Variants in VANGL2 observed in about 807,000 individuals in gnomAD.
VANGL2 encodes VANGL planar cell polarity protein 2.
Under a neutral mutation model 50.2 loss-of-function variants are expected in VANGL2, and 14 were observed. That is an observed-to-expected ratio of 0.28 (90% confidence interval 0.18 to 0.44). The LOEUF (loss-of-function observed/expected upper bound fraction) is 0.44, where lower values mean the gene tolerates loss of function less well. Among genes scored for constraint, VANGL2 ranks in the 20% least tolerant of loss-of-function variants. VANGL2 has a pLI of 1.00. For synonymous variants in VANGL2, 295 were observed against 297.2 expected (o/e 0.99, Z 0.08); for missense variants, 533 against 701.5 (o/e 0.76, Z 2.71).
In VANGL2 at chr1:160,419,532, G is replaced by T. The variant is rs148388993; in HGVS notation, c.723G>T (p.Gln241His). The change falls in exon 4 of 8, where the codon CAG becomes CAT. Residue 241 changes from glutamine to histidine, a missense_variant. Transcript: ENST00000368061. The surrounding 1 kb of genome is among the most constrained non-coding windows in gnomAD (Gnocchi z 5.8). ...YLAVVLLELR[Q>H]LQPQFTLKVV... ...CCGTGGTCCTGCTGGAGCTGCGCCA[G>T]CTCCAGCCTCAGTTCACGCTCAAGG... The T allele has an allele frequency of 4.2e-5, 67 of 1,601,230 alleles. No individual in the cohort carries two copies. The Middle Eastern group carries it at 9.9e-4, about 24-fold the overall frequency.
intron 1 of VANGL2, among the ~76,000 whole-genome samples, chr1:160,411,479 C>T (rs1256125722): frequency 2.0e-5 from 3 of 151,954 alleles, no homozygotes; most frequent in South Asian, 4.2e-4. Context: ...ATAAGGGGAA[C>T]TTCTGCCCTT....
intron 1 of VANGL2, among the ~76,000 whole-genome samples, chr1:160,407,169 G>A (rs1245349673): frequency 4.6e-5 from 7 of 152,230 alleles, no homozygotes; most frequent in South Asian, 4.1e-4. Flanking sequence ...AGGAATGGAG[G>A]TGGCAGATAT....
At position 160,424,089 on chromosome 1, in the gene VANGL2, A is replaced by C; in HGVS notation, c.1111A>C (p.Lys371Gln). ...GGTGGAGGAGGCCTTCACTCACATT[A>C]AGCGGCTGCAGGAAGAGGAGCAGAA... ...VAVEEAFTHIKRLQEEEQKNP... is the reference protein window; with the variant it reads ...VAVEEAFTHIQRLQEEEQKNP... Residue 371 changes from lysine to glutamine, a missense_variant, in exon 7 of 8, where the codon AAG becomes CAG. Transcript: ENST00000368061. 6.2e-7 allele frequency: 1 copy of C among 1,614,054 alleles called. No homozygotes were observed. Among genetic ancestry groups the C allele is most frequent in the Non-Finnish European group, 8.5e-7 (1 of 1,179,902 alleles).
chr1:160,410,758 G>A (rs1650856907), intron 1 of VANGL2, among the ~76,000 whole-genome samples: 1 of 152,062 alleles, frequency 6.6e-6, no homozygotes, highest in Non-Finnish European at 1.5e-5. Context: ...CAGGTTCTGA[G>A]TGTATTTTTT....
At chr1:160,420,923 TA>T in intron 5 of VANGL2, 128 bp from the exon 6 acceptor site, 1 of 1,383,512 alleles carries the variant, frequency 7.2e-7, no homozygotes, top group South Asian at 1.2e-5. Flanking sequence ...GGGTTGGGAT[TA>T]GGAGGTATTG....
At position 160,402,257 on chromosome 1, in the gene VANGL2, C is replaced by T. The variant is rs556691410; in HGVS notation, c.-191+1388C>T. Among the ~76,000 whole-genome samples the T allele has an allele frequency of 3.3e-5, 5 of 152,182 alleles. No homozygotes were observed. The South Asian group carries it at 1.0e-3, about 32-fold the overall frequency. ...AGAAGAATAAGAGGAACTTCCTCCCCCATCGTCATAGGCTGGGTTCCAGCG... is the reference window on the plus strand; with the variant it reads ...AGAAGAATAAGAGGAACTTCCTCCCTCATCGTCATAGGCTGGGTTCCAGCG... On this transcript the variant is annotated intron_variant, in intron 1 of 7. Transcript: ENST00000368061.
intron 6 of VANGL2, 113 bp from the exon 7 acceptor site, chr1:160,423,939 T>G (rs1161861510): frequency 8.5e-7 from 1 of 1,173,142 alleles, no homozygotes; most frequent in Non-Finnish European, 1.3e-6. Context: ...TTACTTTGGG[T>G]GAGCACAAAG....
At chr1:160,415,944 G>A (rs199614659) in intron 2 of VANGL2, 36 bp downstream of exon 2, 18 of 1,614,196 alleles carry the variant, frequency 1.1e-5, no homozygotes, top group Non-Finnish European at 7.6e-6. Flanking sequence ...CGTGGCGGAG[G>A]GAGGGTTGGG....
chr1:160,417,811 G>A (rs1651113321), intron 3 of VANGL2, among the ~76,000 whole-genome samples: 1 of 152,168 alleles, frequency 6.6e-6, no homozygotes, highest in Non-Finnish European at 1.5e-5. Context: ...ATAGCCCTTG[G>A]GTGCCTCAGT....
chr1:160,403,841 A>G (rs914160620), intron 1 of VANGL2, among the ~76,000 whole-genome samples: 1 of 152,188 alleles, frequency 6.6e-6, no homozygotes, highest in African/African-American at 2.4e-5. Flanking sequence ...GAGCCCTTCC[A>G]CAAGGAATCC....
At chr1:160,413,820 C>T (rs76265480) in intron 1 of VANGL2, among the ~76,000 whole-genome samples, 1 of 152,310 alleles carries the variant, frequency 6.6e-6, no homozygotes, top group African/African-American at 2.4e-5. Context: ...TTTTCACACA[C>T]TCAGTACCTC....
At chr1:160,408,570 C>T (rs1264291924) in intron 1 of VANGL2, among the ~76,000 whole-genome samples, 1 of 152,122 alleles carries the variant, frequency 6.6e-6, no homozygotes, top group Non-Finnish European at 1.5e-5. Context: ...AGGATCCCAC[C>T]CCTCCTCTGC....
In VANGL2 at chr1:160,419,132, G is replaced by C. The variant is rs376432810; in HGVS notation, c.323G>C (p.Gly108Ala). ...CCTCTGGACTGCTCCCGTCACCTGG[G>C]TGTGGCAGCGGGGGCCACCCTGGCA... The part of the protein sequence containing the change: ...SVPLDCSRHL[G>A]VAAGATLALL... Residue 108 changes from glycine (G) to alanine (A), a missense_variant, in exon 4 of 8, where the codon GGT becomes GCT. Transcript: ENST00000368061. The surrounding 1 kb of genome is among the most constrained non-coding windows in gnomAD (Gnocchi z 5.8). 6.2e-7 allele frequency: 1 copy of C among 1,614,076 alleles called. No individual in the cohort carries two copies. Among genetic ancestry groups the C allele is most frequent in the African/African-American group, 1.3e-5 (1 of 74,922 alleles).
In VANGL2 at chr1:160,425,524, C is replaced by G. The variant is rs966169869; in HGVS notation, c.*146C>G. 1.3e-6 allele frequency: 1 copy of G among 761,018 alleles called. No individual in the cohort carries two copies. Among genetic ancestry groups the G allele is most frequent in the African/African-American group, 1.8e-5 (1 of 56,574 alleles). The allele number at this position is 761,018 out of a possible 1,614,324, so 47.1% of individuals were successfully genotyped here. On this transcript the variant is annotated 3_prime_UTR_variant, in exon 8 of 8. Coordinates refer to ENST00000368061, the MANE Select transcript of VANGL2 (RefSeq NM_020335.3). The stretch of plus-strand genomic sequence containing the variant: ...TTGAATTAACGCACCCCCACCTTCT[C>G]TCCTCGCTTCTTCCTTATTTTACCC...
Position 160,425,430 on chromosome 1 carries a change from G to C in VANGL2, c.*52G>C. On this transcript the variant is annotated 3_prime_UTR_variant, in exon 8 of 8. Transcript: ENST00000368061. ...ACTCTGGGGGGTCCTGAGGGGGTGG[G>C]AGGGGGCTTGGTTCTCAGGCCCAGC... 4.7e-6 allele frequency: 4 copies of C among 855,290 alleles called. No homozygotes were observed. The highest frequency in any genetic ancestry group is 5.1e-6 in the Non-Finnish European group (3 of 590,266). The allele number at this position is 855,290 out of a possible 1,614,324, so 53.0% of individuals were successfully genotyped here.
chr1:160,417,528 C>T (rs1651104017), intron 3 of VANGL2, among the ~76,000 whole-genome samples: 1 of 152,252 alleles, frequency 6.6e-6, no homozygotes, highest in Non-Finnish European at 1.5e-5. Context: ...GATGGCCCAG[C>T]AGAGGTGGCC....
chr1:160,421,457 C>G (rs534413686), intron 6 of VANGL2, among the ~76,000 whole-genome samples: 1 of 152,322 alleles, frequency 6.6e-6, no homozygotes, highest in East Asian at 1.9e-4. Flanking sequence ...AGAGGACTCT[C>G]ATCTGAGCCT....
At chr1:160,412,715 T>C (rs1464916019) in intron 1 of VANGL2, among the ~76,000 whole-genome samples, 1 of 152,200 alleles carries the variant, frequency 6.6e-6, no homozygotes, top group African/African-American at 2.4e-5. Context: ...ATTGCCTCCA[T>C]TGAACTCTGT....
intron 1 of VANGL2, among the ~76,000 whole-genome samples, chr1:160,403,251 C>T (rs1650543698): frequency 6.6e-6 from 1 of 151,980 alleles, no homozygotes; most frequent in African/African-American, 2.4e-5. Context: ...TGTGCCCTGG[C>T]CCTCTGGGGT....
Sources: allele counts gnomAD v4.1 joint callset (sites outside exome capture counted in the v4.1 genomes callset), GRCh38; gene constraint gnomAD v4.1.1; non-coding constraint Gnocchi (gnomAD v3.1); transcripts MANE v1.5; gene names NCBI Gene and HGNC (gene_info 2026-07-23, HGNC 2026-07-21).